The following SPON1 variants were observed in gnomAD, a reference collection of about 807,000 sequenced individuals.
SPON1 encodes the protein spondin-1.
Under a neutral mutation model 111.7 loss-of-function variants are expected in SPON1, and 52 were observed. That is an observed-to-expected ratio of 0.47 (90% CI 0.37 to 0.59). The LOEUF (loss-of-function observed/expected upper bound fraction) is 0.59, where lower values mean the gene tolerates loss of function less well. Ranked by LOEUF, SPON1 falls within the 20% of genes least tolerant of loss-of-function variation. SPON1 has a pLI of 0.00. For synonymous variants in SPON1, 410 were observed against 395.8 expected, an observed-to-expected ratio of 1.04 and a Z score of -0.43; for missense variants, 957 against 1,068.5, an observed-to-expected ratio of 0.90 and a Z score of 1.46.
At chr11:14,087,452 G>C (rs549740947) in intron 5 of SPON1, among the ~76,000 whole-genome samples, 71 of 152,276 alleles carry the variant, frequency 4.7e-4, no homozygotes, top group Non-Finnish European at 9.0e-4. Context: ...TAGTTGTGTG[G>C]TTTTGAGTGA....
chr11:14,236,590 G>A (rs1848870105), intron 6 of SPON1, among the ~76,000 whole-genome samples: 1 of 152,260 alleles, frequency 6.6e-6, no homozygotes, highest in Admixed American at 6.5e-5. Flanking sequence ...TTAAGGCAGG[G>A]GACTAAATGA....
chr11:14,056,780 A>G (rs1351595640), intron 3 of SPON1, among the ~76,000 whole-genome samples: 4 of 152,104 alleles, frequency 2.6e-5, no homozygotes, highest in Admixed American at 6.5e-5. Context: ...AGTCCCAGCT[A>G]CTTGGGAGGC....
chr11:14,008,727 C>T (rs1848382716), intron 2 of SPON1, among the ~76,000 whole-genome samples: 1 of 152,210 alleles, frequency 6.6e-6, no homozygotes, highest in African/African-American at 2.4e-5. Flanking sequence ...CCTGCTTCCT[C>T]AGGAACCTTA....
Position 14,178,817 on chromosome 11 carries a change from T to C in SPON1, c.825+43249T>C, listed in dbSNP as rs531087145. Among the ~76,000 whole-genome samples the C allele has an allele frequency of 2.0e-5, 3 of 151,052 alleles. No homozygotes were observed. The South Asian group carries it at 6.3e-4, about 32-fold the overall frequency. ...AGTGACTCTGCTATTATGGTAAGTG[T>C]CGGATTCATTTTATCCCATTGCTCA... is the stretch of plus-strand genomic sequence containing the variant. On this transcript the variant is annotated intron_variant, in intron 6 of 15. Transcript: ENST00000576479.
At chr11:14,095,404 CTAGATAGA>C (rs3047371) in intron 5 of SPON1, among the ~76,000 whole-genome samples, 7,927 of 148,260 alleles carry the variant, frequency 0.053, 385 homozygotes, top group African/African-American at 0.13. Context: ...AAATGAGAGA[CTAGATAGA>C]TAGATAGATA....
At chr11:14,161,486 T>G (rs11023119) in intron 6 of SPON1, among the ~76,000 whole-genome samples, 56,190 of 149,832 alleles carry the variant, frequency 0.38, 10,987 homozygotes, top group East Asian at 0.54. Flanking sequence ...ACCCAGATAA[T>G]TTTTATATTT....
intron 2 of SPON1, among the ~76,000 whole-genome samples, chr11:13,985,607 G>A (rs1048020098): frequency 6.6e-6 from 1 of 152,032 alleles, no homozygotes; most frequent in Admixed American, 6.6e-5. Context: ...AAAAATAAGG[G>A]CCCACTATGA....
intron 7 of SPON1, among the ~76,000 whole-genome samples, chr11:14,247,352 G>A (rs1849003609): frequency 6.6e-6 from 1 of 152,210 alleles, no homozygotes; most frequent in Admixed American, 6.5e-5. Flanking sequence ...TGAGGCTGCA[G>A]TGAACCATGC....
rs1554941400 is a variant in SPON1, at chr11:14,257,817, A to G, written c.1411A>G (p.Lys471Glu). Reference protein sequence around the residue: ...KGKRMRQRMLKAQLDLSVPCP... With the variant: ...KGKRMRQRMLEAQLDLSVPCP... ...CAAGAGGATGCGACAGCGCATGCTGAAAGCACAGCTGGACCTCAGCGTCCC... is the reference window on the plus strand; with the variant it reads ...CAAGAGGATGCGACAGCGCATGCTGGAAGCACAGCTGGACCTCAGCGTCCC... Residue 471 changes from lysine to glutamate, a missense_variant, in exon 11 of 16, where the codon AAA becomes GAA. Physicochemically the swap from Lys to Glu is moderately conservative, Grantham distance 56 (BLOSUM62 1). Around this residue, in one of 5 missense-constraint regions of SPON1, gnomAD observed 549 missense variants for 606.2 expected, o/e 0.91. Coordinates refer to ENST00000576479, the MANE Select transcript of SPON1 (RefSeq NM_006108.4). 2 of 1,608,094 alleles carry G rather than the reference A, an allele frequency of 1.2e-6. No homozygotes were observed. The highest frequency in any genetic ancestry group is 1.7e-6 in the Non-Finnish European group (2 of 1,177,400).
chr11:14,118,385 G>A (rs1419007201), intron 5 of SPON1, among the ~76,000 whole-genome samples: 1 of 152,120 alleles, frequency 6.6e-6, no homozygotes, highest in Non-Finnish European at 1.5e-5. Flanking sequence ...TGCTCTTTCT[G>A]GATATATAAT....
At chr11:14,159,431 G>A (rs1554930703) in intron 6 of SPON1, among the ~76,000 whole-genome samples, 1 of 152,102 alleles carries the variant, frequency 6.6e-6, no homozygotes. Context: ...CACTGTTGGT[G>A]GGAATGCAAA....
Position 14,165,352 on chromosome 11 carries a change from TC to T in SPON1, c.825+29785del, listed in dbSNP as rs1848016459. On this transcript the variant is annotated intron_variant, in intron 6 of 15. Coordinates refer to ENST00000576479, the MANE Select transcript of SPON1 (RefSeq NM_006108.4). ...TATGAGGATGGGAAAAGGCCGTCGA[TC>T]ACTCTGGCTTCTTTCTGCTGACAGG... 2.0e-5 allele frequency among the ~76,000 whole-genome samples: 3 copies of T among 152,276 alleles called. No individual in the cohort carries two copies. The South Asian group carries it at 6.2e-4, about 32-fold the overall frequency.
chr11:14,081,380 G>A (rs1172369729), intron 5 of SPON1, among the ~76,000 whole-genome samples: 1 of 152,130 alleles, frequency 6.6e-6, no homozygotes, highest in Non-Finnish European at 1.5e-5. Flanking sequence ...TAAGAAAAGT[G>A]GACTTACTGT....
At chr11:13,963,238 C>A in intron 1 of SPON1, 96 bp downstream of exon 1, 1 of 964,398 alleles carries the variant, frequency 1.0e-6, no homozygotes, top group Non-Finnish European at 1.5e-6. Context: ...GGTCTCCGGG[C>A]GCGTGGCGCG....
chr11:14,177,278 G>A (rs1848188070), intron 6 of SPON1, among the ~76,000 whole-genome samples: 1 of 152,118 alleles, frequency 6.6e-6, no homozygotes, highest in South Asian at 2.1e-4. Flanking sequence ...CTGACCTCGT[G>A]ATCTGCTTGC....
intron 6 of SPON1, among the ~76,000 whole-genome samples, chr11:14,208,170 A>T (rs1308716057): frequency 6.6e-6 from 1 of 152,194 alleles, no homozygotes. Flanking sequence ...ACATGGACAC[A>T]TAGAGGGGAA....
intron 6 of SPON1, among the ~76,000 whole-genome samples, chr11:14,154,351 A>G (rs1218908356): frequency 6.6e-6 from 1 of 152,128 alleles, no homozygotes; most frequent in South Asian, 2.1e-4. Flanking sequence ...GTCAGCCTCA[A>G]CTTTTGCCAC....
chr11:13,963,287 T>A, intron 1 of SPON1, 145 bp downstream of exon 1: 1 of 584,728 alleles, frequency 1.7e-6, no homozygotes, highest in Non-Finnish European at 2.8e-6. Flanking sequence ...CTGGCTGCCC[T>A]CGGCCCTTGC....
intron 5 of SPON1, among the ~76,000 whole-genome samples, chr11:14,086,511 G>T (rs1214210943): frequency 6.6e-6 from 1 of 152,146 alleles, no homozygotes; most frequent in Non-Finnish European, 1.5e-5. Context: ...TGATCATGGT[G>T]GATAAGCTTT....
Sources: gnomAD v4.1 joint callset for allele counts (sites outside exome capture counted in the v4.1 genomes callset) on GRCh38, gnomAD v4.1.1 for gene constraint, gnomAD v4.1.1 regional missense constraint, MANE v1.5 for transcripts, NCBI Gene and HGNC (gene_info 2026-07-23, HGNC 2026-07-21) for gene names.